The following PCDHA11 variants were observed in gnomAD, a reference collection of about 807,000 sequenced individuals.
The protein encoded by PCDHA11 is protocadherin alpha 11, also known as protocadherin alpha-11.
A neutral mutation model predicts 70.3 loss-of-function variants in PCDHA11; 61 were observed. The observed-to-expected ratio is 0.87, with a 90% CI of 0.71 to 1.07. The LOEUF is 1.07. Among genes scored for constraint, PCDHA11 ranks in the 50% least tolerant of loss-of-function variants. PCDHA11 has a pLI of 0.00. For missense variants in PCDHA11, 1,324 were observed against 1,237.5 expected, an observed-to-expected ratio of 1.07 and a Z score of -1.05; for synonymous variants, 633 against 555.1, an observed-to-expected ratio of 1.14 and a Z score of -1.97.
At chr5:140,920,249 G>A (rs782292641) in intron 1 of PCDHA11, among the ~76,000 whole-genome samples, 15 of 152,174 alleles carry the variant, frequency 9.9e-5, no homozygotes, top group Admixed American at 3.3e-4. Context: ...ACAATACATC[G>A]CTATAATAAT....
At chr5:140,991,167 G>T (rs186627829) in intron 3 of PCDHA11, among the ~76,000 whole-genome samples, 2 of 152,270 alleles carry the variant, frequency 1.3e-5, no homozygotes, top group Non-Finnish European at 2.9e-5. Flanking sequence ...TATTCCCATT[G>T]TCAAGCAGGA....
intron 1 of PCDHA11, among the ~76,000 whole-genome samples, chr5:140,954,220 T>C (rs782685715): frequency 2.0e-5 from 3 of 152,240 alleles, no homozygotes; most frequent in African/African-American, 4.8e-5. Context: ...GTTTTTGCTA[T>C]TGTGAATAGT....
In PCDHA11 at chr5:140,928,366, C is replaced by T. The variant is rs73793524; in HGVS notation, c.2392-50583C>T. 1.5e-3 allele frequency: 2,439 copies of T among 1,614,110 alleles called. 35 individuals carry two copies. In the African/African-American group the frequency reaches 0.03, roughly 20 times the overall value. ...GCTGTTGGATGTTATCTCTGAAGGG[C>T]CATCAGCCTCTAGCTTGCTGGCAGT... On this transcript the variant is annotated intron_variant, in intron 1 of 3. Coordinates refer to ENST00000398640, the MANE Select transcript of PCDHA11 (RefSeq NM_018902.5).
At chr5:141,005,469 C>T (rs549630927) in intron 3 of PCDHA11, among the ~76,000 whole-genome samples, 2 of 151,656 alleles carry the variant, frequency 1.3e-5, no homozygotes, top group South Asian at 2.1e-4. Flanking sequence ...TTTGGGAGGC[C>T]GAGACGGGCG....
intron 1 of PCDHA11, among the ~76,000 whole-genome samples, chr5:140,915,973 T>G (rs1472373994): frequency 3.9e-5 from 6 of 152,150 alleles, no homozygotes; most frequent in African/African-American, 1.4e-4. Context: ...TGATATTTTA[T>G]TTGACTACGG....
rs182574783 is a variant in PCDHA11, at chr5:140,952,922, G to A, written c.2392-26027G>A. Among the ~76,000 whole-genome samples the A allele has an allele frequency of 2.3e-3, 351 of 152,216 alleles. 2 individuals carry two copies. Among genetic ancestry groups the A allele is most frequent in the Admixed American group, 5.6e-3 (85 of 15,264 alleles). Reference sequence around the variant, plus strand: ...ATCAAGCTCATCTTACATGGCATGAGCAGGAGCAGGAGCAAGAGAGAGAGA... The same window carrying A: ...ATCAAGCTCATCTTACATGGCATGAACAGGAGCAGGAGCAAGAGAGAGAGA... On this transcript the variant is annotated intron_variant, in intron 1 of 3. Transcript: ENST00000398640.
At chr5:140,947,275 T>G (rs246050) in intron 1 of PCDHA11, among the ~76,000 whole-genome samples, 85,352 of 151,290 alleles carry the variant, frequency 0.56, 24,679 homozygotes, top group African/African-American at 0.69. Context: ...GAAAATACTT[T>G]TTCTTTTTAT....
chr5:140,879,926 A>G (rs1214178444), intron 1 of PCDHA11, among the ~76,000 whole-genome samples: 7 of 152,170 alleles, frequency 4.6e-5, no homozygotes, highest in African/African-American at 1.4e-4. Flanking sequence ...TTACAAAGGT[A>G]CATGTGATTG....
chr5:140,937,039 CT>C (rs34994034), intron 1 of PCDHA11, among the ~76,000 whole-genome samples: 142 of 140,130 alleles, frequency 1.0e-3, no homozygotes, highest in Middle Eastern at 3.8e-3. Flanking sequence ...TTCCATTTAT[CT>C]TTTTTTTTTT....
At chr5:140,992,153 T>C (rs191199905) in intron 3 of PCDHA11, among the ~76,000 whole-genome samples, 76 of 152,066 alleles carry the variant, frequency 5.0e-4, no homozygotes, top group African/African-American at 1.8e-3. Flanking sequence ...CTTTGCTCAA[T>C]CAAGAAGTGT....
At chr5:140,965,903 A>T (rs73793545) in intron 1 of PCDHA11, among the ~76,000 whole-genome samples, 2,475 of 152,308 alleles carry the variant, frequency 0.016, 63 homozygotes, top group African/African-American at 0.056. Context: ...CTTGGATCCC[A>T]GGATGCTGGT....
At chr5:140,948,519 CTA>C (rs2094266581) in intron 1 of PCDHA11, among the ~76,000 whole-genome samples, 1 of 151,476 alleles carries the variant, frequency 6.6e-6, no homozygotes, top group African/African-American at 2.4e-5. Context: ...AATGTTAACA[CTA>C]TTTATATTTT....
At chr5:140,954,287 TG>T (rs1353316805) in intron 1 of PCDHA11, among the ~76,000 whole-genome samples, 1 of 152,248 alleles carries the variant, frequency 6.6e-6, no homozygotes, top group Non-Finnish European at 1.5e-5. Flanking sequence ...TATATTCCTT[TG>T]GGTACATACC....
rs189901944 is a variant in PCDHA11, at chr5:140,916,206, G to A, written c.2391+44712G>A. 4.6e-3 allele frequency among the ~76,000 whole-genome samples: 705 copies of A among 152,282 alleles called. 3 individuals carry two copies. The highest frequency in any genetic ancestry group is 0.016 in the African/African-American group (682 of 41,562). ...AGGAAGTGGGCACCCCTCTGCCCTG[G>A]GGAAGATCCAAATATGCTTTCCAGG... On this transcript the variant is annotated intron_variant, in intron 1 of 3. Transcript: ENST00000398640.
chr5:140,979,186 C>T, intron 2 of PCDHA11, 179 bp downstream of exon 2: 2 of 914,118 alleles, frequency 2.2e-6, no homozygotes, highest in Non-Finnish European at 2.6e-6. Context: ...ATGGTCAGTG[C>T]CAGATGCTTA....
In PCDHA11 at chr5:140,969,463, C is replaced by G. The variant is rs549074334; in HGVS notation, c.2392-9486C>G. ...CTGGTAAACTGAGTATATATAGTAT[C>G]CACAATTTGATCATAATCTGCTATT... On this transcript the variant is annotated intron_variant, in intron 1 of 3. Coordinates refer to ENST00000398640, the MANE Select transcript of PCDHA11 (RefSeq NM_018902.5). 74 of 1,491,016 alleles carry G rather than the reference C, an allele frequency of 5.0e-5. No homozygotes were observed. In the South Asian group the frequency reaches 6.0e-4, roughly 12 times the overall value. The allele number at this position is 1,491,016 out of a possible 1,614,324, so 92.4% of individuals were successfully genotyped here.
At chr5:140,974,108 C>A (rs977903039) in intron 1 of PCDHA11, among the ~76,000 whole-genome samples, 3 of 152,182 alleles carry the variant, frequency 2.0e-5, no homozygotes, top group African/African-American at 7.2e-5. Flanking sequence ...TAAAAGTATT[C>A]TTTTGCAGTG....
chr5:141,005,797 A>G (rs1444669955), intron 3 of PCDHA11, among the ~76,000 whole-genome samples: 2 of 150,756 alleles, frequency 1.3e-5, no homozygotes, highest in East Asian at 1.9e-4. Context: ...GGCAAAAACA[A>G]CTCCAAGGAG....
chr5:141,001,567 T>A (rs116015618), intron 3 of PCDHA11, among the ~76,000 whole-genome samples: 2 of 152,294 alleles, frequency 1.3e-5, no homozygotes, highest in African/African-American at 4.8e-5. Context: ...ACGATTCTCC[T>A]GTGTTTTGTG....
Sources: allele counts gnomAD v4.1 joint callset (sites outside exome capture counted in the v4.1 genomes callset), GRCh38; gene constraint gnomAD v4.1.1; transcripts MANE v1.5; gene names NCBI Gene and HGNC (gene_info 2026-07-23, HGNC 2026-07-21).